CXCL13: variants seen among roughly 807,000 people sequenced by gnomAD.
CXCL13 encodes the protein C-X-C motif chemokine ligand 13.
Under a neutral mutation model 12.2 loss-of-function variants are expected in CXCL13, and 7 were observed. The ratio of observed to expected loss-of-function variants is 0.57; its 90% CI spans 0.33 to 1.07. CXCL13 has a LOEUF of 1.07. CXCL13 is among the 50% of genes least tolerant of loss of function. CXCL13 has a pLI of 0.04. For synonymous variants in CXCL13, 47 were observed against 42.4 expected (o/e 1.11, Z -0.42); for missense variants, 113 against 127.4 (o/e 0.89, Z 0.55).
chr4:77,610,316 T>A (rs1273623846), intron 2 of CXCL13, among the ~76,000 whole-genome samples: 2 of 152,200 alleles, frequency 1.3e-5, no homozygotes, highest in African/African-American at 4.8e-5. Context: ...TGGAGTAAGT[T>A]ATTTGGTTGT....
Position 77,607,799 on chromosome 4 carries a change from T to G in CXCL13, c.161T>G (p.Leu54Trp), listed in dbSNP as rs747742921. ...CGCTTCATTGATCGAATTCAAATCT[T>G]GCCCCGTGGGAATGGTTGTCCAAGA... Reference protein sequence around the residue: ...PRRFIDRIQILPRGNGCPRKE... With the variant: ...PRRFIDRIQIWPRGNGCPRKE... The change falls in exon 2 of 4, where the codon TTG becomes TGG. Residue 54 changes from leucine to tryptophan, a missense_variant. Physicochemically the swap from Leu to Trp is moderately conservative, Grantham distance 61 (BLOSUM62 -2). Transcript: ENST00000682537. The G allele has an allele frequency of 1.2e-6, 2 of 1,613,956 alleles. No individual in the cohort carries two copies. The highest frequency in any genetic ancestry group is 1.7e-5 in the Admixed American group (1 of 59,994).
At chr4:77,602,296 G>A (rs1310883048), upstream of CXCL13, among the ~76,000 whole-genome samples, 1 of 152,188 alleles carries the variant, frequency 6.6e-6, no homozygotes, top group Non-Finnish European at 1.5e-5. Flanking sequence ...GACATCTACA[G>A]TGGATGTGTC....
At chr4:77,604,167 C>T (rs111957304), upstream of CXCL13, among the ~76,000 whole-genome samples, 23 of 152,306 alleles carry the variant, frequency 1.5e-4, no homozygotes, top group African/African-American at 5.3e-4. Context: ...CATGTTGTTT[C>T]TGAGGAGGCC....
rs192822128 is a variant in CXCL13 at position 77,554,756 on chromosome 4, C to T, written c.-43+42968C>T. On this transcript the variant is annotated intron_variant, in intron 1 of 4. Transcript: ENST00000286758. ...CAATATAGACTGTGTCCTCTGACTA[C>T]AAAAGAATCAATTAGAAATTAATAA... Among the ~76,000 whole-genome samples the T allele has an allele frequency of 2.7e-3, 418 of 152,070 alleles. 3 individuals are homozygous for T. Among genetic ancestry groups the T allele is most frequent in the African/African-American group, 9.6e-3 (398 of 41,524 alleles).
At chr4:77,550,665 C>A (rs1193173981) in intron 1 of CXCL13, among the ~76,000 whole-genome samples, 1 of 152,180 alleles carries the variant, frequency 6.6e-6, no homozygotes, top group Non-Finnish European at 1.5e-5. Flanking sequence ...TTCACAATTT[C>A]TCCGTTAGTT....
At chr4:77,544,386 C>G (rs1725298934) in intron 1 of CXCL13, among the ~76,000 whole-genome samples, 1 of 152,188 alleles carries the variant, frequency 6.6e-6, no homozygotes, top group South Asian at 2.1e-4. Context: ...GTTCCTATTT[C>G]TCCACATCCT....
chr4:77,531,296 C>T (rs1445065330), intron 1 of CXCL13, among the ~76,000 whole-genome samples: 1 of 117,736 alleles, frequency 8.5e-6, no homozygotes, highest in East Asian at 2.9e-4. Flanking sequence ...CACTACAGTC[C>T]CTGGTGTGTA....
chr4:77,605,943 T>C lies in CXCL13; in HGVS notation c.64+14T>C, dbSNP rs201605324. 3.0e-4 allele frequency: 467 copies of C among 1,570,746 alleles called. 1 individual carries two copies. The highest frequency in any genetic ancestry group is 3.9e-4 in the Non-Finnish European group (444 of 1,145,846). ...CTCCAGTCCAAGGTGAGAAATTTCA[T>C]TTACATTTCACTGTTTGTTGAACAG... On this transcript the variant is annotated intron_variant, in intron 1 of 3. Coordinates refer to ENST00000682537, the MANE Select transcript of CXCL13 (RefSeq NM_001371558.1).
chr4:77,576,960 T>C (rs1018525622), intron 1 of CXCL13, among the ~76,000 whole-genome samples: 1 of 152,162 alleles, frequency 6.6e-6, no homozygotes, highest in African/African-American at 2.4e-5. Flanking sequence ...TGTTTTAAAG[T>C]TTTTGCCTAC....
intron 1 of CXCL13, among the ~76,000 whole-genome samples, chr4:77,533,306 C>A (rs957846468): frequency 5.3e-5 from 8 of 152,210 alleles, no homozygotes; most frequent in Non-Finnish European, 1.2e-4. Flanking sequence ...CTACGCCAGA[C>A]CCTGTTTGCC....
chr4:77,522,387 A>G (rs1188395793), intron 1 of CXCL13, among the ~76,000 whole-genome samples: 2 of 151,810 alleles, frequency 1.3e-5, no homozygotes, highest in Admixed American at 1.3e-4. Context: ...GTGCATATAT[A>G]TATTTGGGAT....
intron 1 of CXCL13, among the ~76,000 whole-genome samples, chr4:77,562,720 G>A (rs776814000): frequency 8.0e-4 from 121 of 152,188 alleles, no homozygotes; most frequent in Admixed American, 3.9e-3. Flanking sequence ...CCTGTGTCTA[G>A]CTCAAGGTTT....
intron 1 of CXCL13, among the ~76,000 whole-genome samples, chr4:77,530,491 G>C (rs1724883637): frequency 6.6e-6 from 1 of 151,972 alleles, no homozygotes; most frequent in Non-Finnish European, 1.5e-5. Flanking sequence ...ATTTCTTCCT[G>C]GTTTAGTCTT....
intron 1 of CXCL13, among the ~76,000 whole-genome samples, chr4:77,530,246 T>C (rs900979013): frequency 2.0e-5 from 3 of 152,222 alleles, no homozygotes; most frequent in Non-Finnish European, 2.9e-5. Flanking sequence ...TCTTTTTTTG[T>C]TGTGTCTCTG....
chr4:77,562,136 G>A (rs113123365), intron 1 of CXCL13, among the ~76,000 whole-genome samples: 3,478 of 151,278 alleles, frequency 0.023, 150 homozygotes, highest in African/African-American at 0.08. Context: ...CAGCCCTCCC[G>A]GCACAAGCCT....
intron 1 of CXCL13, among the ~76,000 whole-genome samples, chr4:77,563,492 A>G (rs1725862138): frequency 6.6e-6 from 1 of 152,208 alleles, no homozygotes; most frequent in South Asian, 2.1e-4. Context: ...TTAAATCCTT[A>G]TCTCAGGCTC....
chr4:77,525,022 T>C (rs1724725236), intron 1 of CXCL13, among the ~76,000 whole-genome samples: 2 of 152,208 alleles, frequency 1.3e-5, no homozygotes, highest in South Asian at 4.1e-4. Flanking sequence ...TGGTGAGGCC[T>C]AATAAGTGGT....
intron 1 of CXCL13, among the ~76,000 whole-genome samples, chr4:77,572,183 C>T (rs1726102163): frequency 6.6e-6 from 1 of 151,828 alleles, no homozygotes; most frequent in South Asian, 2.1e-4. Context: ...GGTGGATCAC[C>T]TGAGGTCAGG....
intron 1 of CXCL13, chr4:77,511,833 G>T (rs1437439030): frequency 6.6e-6 from 1 of 152,190 alleles, no homozygotes; most frequent in Non-Finnish European, 1.5e-5. Context: ...CCAGTGGCTG[G>T]GTAACTTCCA....
Sources: gnomAD v4.1 joint callset for allele counts (sites outside exome capture counted in the v4.1 genomes callset) on GRCh38, gnomAD v4.1.1 for gene constraint, MANE v1.5 for transcripts, NCBI Gene and HGNC (gene_info 2026-07-23, HGNC 2026-07-21) for gene names.